The following YAF2 variants were observed in gnomAD, a reference collection of about 807,000 sequenced individuals.
YAF2 encodes YY1-associated factor 2.
Under a neutral mutation model 20.1 loss-of-function variants are expected in YAF2, and 7 were observed. The ratio of observed to expected loss-of-function variants is 0.35; its 90% CI spans 0.20 to 0.65. The LOEUF (loss-of-function observed/expected upper bound fraction) is 0.65. YAF2 is among the 30% of genes least tolerant of loss of function. YAF2 has a pLI of 0.69. For synonymous variants in YAF2, 74 were observed against 76.0 expected (o/e 0.97, Z 0.14); for missense variants, 151 against 219.2 (o/e 0.69, Z 1.96).
rs557116921 is a variant in YAF2, at chr12:42,166,548, T to A, written c.153-4783A>T. 2.6e-5 allele frequency among the ~76,000 whole-genome samples: 4 copies of A among 152,364 alleles called. No homozygotes were observed. In the East Asian group the frequency reaches 7.7e-4, roughly 29 times the overall value. Reference sequence around the variant, plus strand: ...ATCCTTTCTGTTGAATGACTACTTATATGAGAAATCATATATACTTTTTGT... The same window carrying A: ...ATCCTTTCTGTTGAATGACTACTTAAATGAGAAATCATATATACTTTTTGT... On this transcript the variant is annotated intron_variant, in intron 2 of 3. Transcript: ENST00000534854.
chr12:42,215,346 C>T (rs539695525), intron 2 of YAF2, among the ~76,000 whole-genome samples: 1 of 150,228 alleles, frequency 6.7e-6, no homozygotes, highest in East Asian at 2.0e-4. Context: ...TGAGGTGGAT[C>T]GCAAGAGCCC....
chr12:42,196,223 T>A lies in YAF2; in HGVS notation c.153-34458A>T, dbSNP rs575748171. ...GCCTGGGCGACAGAGCAAGAATCCA[T>A]CTGGAAAAAAAAAAAAAAAAAAAAA... On this transcript the variant is annotated intron_variant, in intron 2 of 3. Coordinates refer to ENST00000534854, the MANE Select transcript of YAF2 (RefSeq NM_005748.6). 1.2e-3 allele frequency among the ~76,000 whole-genome samples: 105 copies of A among 87,024 alleles called. 2 individuals carry two copies. Among genetic ancestry groups the A allele is most frequent in the South Asian group, 4.5e-3 (12 of 2,646 alleles). 57.1% of individuals were successfully genotyped at this position (87,024 alleles called of 152,430 possible).
chr12:42,212,148 C>A (rs1565639141), intron 2 of YAF2, among the ~76,000 whole-genome samples: 2 of 151,678 alleles, frequency 1.3e-5, no homozygotes, highest in Admixed American at 1.3e-4. Context: ...AATACTTGTA[C>A]AAAAGAAATA....
chr12:42,183,283 T>C (rs892979198), intron 2 of YAF2, among the ~76,000 whole-genome samples: 3 of 152,182 alleles, frequency 2.0e-5, no homozygotes, highest in African/African-American at 7.2e-5. Flanking sequence ...TGGTGTCTAA[T>C]AATTGTTCAG....
rs143838007 is a variant in YAF2, at chr12:42,211,414, G to A, written c.152+26185C>T. 7.1e-3 allele frequency among the ~76,000 whole-genome samples: 824 copies of A among 116,314 alleles called. 6 individuals are homozygous for A. Among genetic ancestry groups the A allele is most frequent in the African/African-American group, 0.026 (770 of 29,232 alleles). The allele number at this position is 116,314 out of a possible 152,430, so 76.3% of individuals were successfully genotyped here. A position where few individuals can be genotyped will look rare whatever the true frequency, so the allele number is the denominator to read the frequency against. On this transcript the variant is annotated intron_variant, in intron 2 of 3. Coordinates refer to ENST00000534854, the MANE Select transcript of YAF2 (RefSeq NM_005748.6). The stretch of plus-strand genomic sequence containing the variant: ...TGAACTCCAGCCTGGATGACAGAGC[G>A]AGACTCTGTCTCCAAAAAAAAAAAA...
At chr12:42,210,640 G>A (rs1341199785) in intron 2 of YAF2, 2 of 1,535,972 alleles carry the variant, frequency 1.3e-6, no homozygotes, top group East Asian at 2.4e-5. Flanking sequence ...TACCCAATAG[G>A]AGAACTCCAG....
intron 2 of YAF2, among the ~76,000 whole-genome samples, chr12:42,197,066 G>A (rs1245479430): frequency 6.6e-6 from 1 of 152,194 alleles, no homozygotes; most frequent in South Asian, 2.1e-4. Flanking sequence ...TTAGTGATGA[G>A]CTTAAAAGGG....
intron 2 of YAF2, among the ~76,000 whole-genome samples, chr12:42,204,302 G>GTATA (rs1464405690): frequency 6.6e-6 from 1 of 152,124 alleles, no homozygotes; most frequent in African/African-American, 2.4e-5. Flanking sequence ...TCACTCCTAG[G>GTATA]TATATATAGT....
chr12:42,194,121 T>C (rs1207252602), intron 2 of YAF2, among the ~76,000 whole-genome samples: 1 of 152,228 alleles, frequency 6.6e-6, no homozygotes, highest in Non-Finnish European at 1.5e-5. Context: ...AAAAAATTAA[T>C]ACTAAGCTCA....
intron 2 of YAF2, among the ~76,000 whole-genome samples, chr12:42,188,929 A>G (rs926068247): frequency 6.6e-6 from 1 of 152,176 alleles, no homozygotes; most frequent in African/African-American, 2.4e-5. Flanking sequence ...GAATCCAGTA[A>G]TGACTCAGAA....
Position 42,191,933 on chromosome 12 carries a change from T to C in YAF2, c.153-30168A>G, listed in dbSNP as rs183012993. On this transcript the variant is annotated intron_variant, in intron 2 of 3. Transcript: ENST00000534854. ...GGTGAAACCCTGTCTCTACTAAAAA[T>C]ACAAAAATTAGCCAGACGTGCTCAC... is the stretch of plus-strand genomic sequence containing the variant. 6.7e-5 allele frequency among the ~76,000 whole-genome samples: 10 copies of C among 150,332 alleles called. No individual in the cohort carries two copies. In the East Asian group the frequency reaches 1.8e-3, roughly 27 times the overall value.
intron 2 of YAF2, chr12:42,210,288 C>A: frequency 1.0e-6 from 1 of 990,664 alleles, no homozygotes; most frequent in South Asian, 1.6e-5. Context: ...ATTAAACAAA[C>A]TCCTTCTCAA....
chr12:42,228,656 T>TG (rs71434397), intron 2 of YAF2, among the ~76,000 whole-genome samples: 427 of 18,114 alleles, frequency 0.024, 13 homozygotes, highest in South Asian at 0.057. Context: ...GGGAGGGAGG[T>TG]GGGGGGGGGG....
At chr12:42,167,233 CCACCATGA>C (rs1045347841) in intron 2 of YAF2, among the ~76,000 whole-genome samples, 7 of 152,094 alleles carry the variant, frequency 4.6e-5, no homozygotes, top group East Asian at 1.9e-4. Flanking sequence ...TTACAGCAAA[CCACCATGA>C]CACATGTCTA....
intron 2 of YAF2, among the ~76,000 whole-genome samples, chr12:42,162,660 G>T (rs1221147451): frequency 3.3e-5 from 5 of 152,148 alleles, no homozygotes; most frequent in African/African-American, 4.8e-5. Flanking sequence ...TTTTTGGTTA[G>T]TACAGTTTTT....
At chr12:42,180,074 T>C (rs2066304234) in intron 2 of YAF2, among the ~76,000 whole-genome samples, 1 of 152,200 alleles carries the variant, frequency 6.6e-6, no homozygotes, top group Non-Finnish European at 1.5e-5. Flanking sequence ...TAGTCACTCA[T>C]GAAAATGTTT....
chr12:42,221,147 T>C (rs1479647138), intron 2 of YAF2, among the ~76,000 whole-genome samples: 1 of 152,212 alleles, frequency 6.6e-6, no homozygotes, highest in Non-Finnish European at 1.5e-5. Flanking sequence ...TATTTATAAG[T>C]AGTAGGTCTA....
At chr12:42,218,265 T>C (rs1286564598) in intron 2 of YAF2, among the ~76,000 whole-genome samples, 2 of 151,194 alleles carry the variant, frequency 1.3e-5, no homozygotes, top group Non-Finnish European at 2.9e-5. Context: ...AGGTATTTCA[T>C]GGTATTTCAG....
At chr12:42,233,471 AGACT>A (rs1165630220) in intron 2 of YAF2, 1 of 983,300 alleles carries the variant, frequency 1.0e-6, no homozygotes, top group Non-Finnish European at 1.2e-6. Flanking sequence ...ACCCTCATAC[AGACT>A]ATCCTTAATA....
Sources: allele counts gnomAD v4.1 joint callset (sites outside exome capture counted in the v4.1 genomes callset), GRCh38; gene constraint gnomAD v4.1.1; transcripts MANE v1.5; gene names NCBI Gene and HGNC (gene_info 2026-07-23, HGNC 2026-07-21).